Variants in ME3 observed in about 807,000 individuals in gnomAD.
The protein encoded by ME3 is malic enzyme 3, also known as NADP-dependent malic enzyme, mitochondrial.
Under a neutral mutation model 68.9 loss-of-function variants are expected in ME3, and 48 were observed. That is an observed-to-expected ratio of 0.70 (90% CI 0.55 to 0.89). ME3 has a LOEUF of 0.89. Among genes scored for constraint, ME3 ranks in the 40% least tolerant of loss-of-function variants. The pLI is 0.00. For synonymous variants in ME3, 320 were observed against 318.8 expected (o/e 1.00, Z -0.04); for missense variants, 675 against 797.4 (o/e 0.85, Z 1.85).
At chr11:86,587,660 G>A (rs1444958039) in intron 2 of ME3, among the ~76,000 whole-genome samples, 2 of 152,154 alleles carry the variant, frequency 1.3e-5, no homozygotes, top group South Asian at 2.1e-4. Flanking sequence ...AAGAAAGACA[G>A]TAGAAAAAGC....
At chr11:86,442,761 A>T (rs1949070893) in intron 14 of ME3, 60 bp downstream of exon 14, 1 of 1,411,564 alleles carries the variant, frequency 7.1e-7, no homozygotes, top group Non-Finnish European at 1.0e-6. Flanking sequence ...TCCTAAAGTC[A>T]CAGACAGAGA....
At chr11:86,599,322 G>A (rs187205514) in intron 2 of ME3, among the ~76,000 whole-genome samples, 8 of 152,318 alleles carry the variant, frequency 5.3e-5, no homozygotes, top group South Asian at 2.1e-4. Flanking sequence ...CTCTGGAGCC[G>A]ATGCAATCAA....
intron 6 of ME3, among the ~76,000 whole-genome samples, chr11:86,495,228 T>C (rs1044352671): frequency 5.3e-5 from 8 of 152,160 alleles, no homozygotes; most frequent in Non-Finnish European, 8.8e-5. Flanking sequence ...AAGAGGGTAA[T>C]GATAGATGCT....
At chr11:86,595,292 C>CATATATAT (rs775768095) in intron 2 of ME3, among the ~76,000 whole-genome samples, 7,013 of 124,006 alleles carry the variant, frequency 0.057, 658 homozygotes, top group African/African-American at 0.062. Flanking sequence ...TATACATATA[C>CATATATAT]ATATATATAT....
chr11:86,521,024 A>C (rs976839254), intron 4 of ME3, among the ~76,000 whole-genome samples: 2 of 152,228 alleles, frequency 1.3e-5, no homozygotes, highest in African/African-American at 4.8e-5. Flanking sequence ...TCAAAGCCCA[A>C]ATCCAACCCT....
intron 2 of ME3, among the ~76,000 whole-genome samples, chr11:86,603,170 A>C (rs1594628200): frequency 6.6e-6 from 1 of 152,200 alleles, no homozygotes; most frequent in Admixed American, 6.5e-5. Flanking sequence ...CAGCCTACAA[A>C]ATGGGAGAAA....
intron 2 of ME3, among the ~76,000 whole-genome samples, chr11:86,588,845 T>C (rs1958889664): frequency 1.3e-5 from 2 of 152,184 alleles, no homozygotes; most frequent in South Asian, 4.1e-4. Flanking sequence ...GCACAATGCC[T>C]TTCCTAACTC....
intron 4 of ME3, among the ~76,000 whole-genome samples, chr11:86,551,941 G>A (rs1420196946): frequency 6.6e-6 from 1 of 152,220 alleles, no homozygotes; most frequent in African/African-American, 2.4e-5. Context: ...ACTTGCTAAT[G>A]ATTTGCTAGT....
chr11:86,478,660 T>G (rs1289122502), intron 7 of ME3, among the ~76,000 whole-genome samples: 1 of 152,242 alleles, frequency 6.6e-6, no homozygotes, highest in Non-Finnish European at 1.5e-5. Context: ...TTGGTAATTT[T>G]CAAACATTTT....
At chr11:86,672,057 G>C in intron 1 of ME3, 99 bp from the exon 2 acceptor site, 5 of 987,698 alleles carry the variant, frequency 5.1e-6, no homozygotes, top group Non-Finnish European at 6.8e-6. Context: ...CGCGCCCTCT[G>C]GGAGAGGGCA....
chr11:86,566,745 A>G (rs1957500515), intron 2 of ME3, among the ~76,000 whole-genome samples: 1 of 152,168 alleles, frequency 6.6e-6, no homozygotes, highest in South Asian at 2.1e-4. Context: ...TGCATTTTAT[A>G]ATAAATAAGT....
chr11:86,590,507 T>C (rs2139662325), intron 2 of ME3, among the ~76,000 whole-genome samples: 1 of 152,154 alleles, frequency 6.6e-6, no homozygotes, highest in South Asian at 2.1e-4. Context: ...GGCTTTAACT[T>C]TGGACAGTTG....
At chr11:86,458,778 C>T (rs1950081482) in intron 8 of ME3, among the ~76,000 whole-genome samples, 1 of 152,120 alleles carries the variant, frequency 6.6e-6, no homozygotes, top group Admixed American at 6.5e-5. Flanking sequence ...CCCCCGACAG[C>T]TGGAAATAAT....
chr11:86,548,889 C>T (rs570635405), intron 4 of ME3, among the ~76,000 whole-genome samples: 4 of 152,352 alleles, frequency 2.6e-5, no homozygotes, highest in Admixed American at 6.5e-5. Flanking sequence ...ACTCCTGCCT[C>T]CTTCCGATGG....
chr11:86,659,213 A>G (rs1225967197), intron 2 of ME3, among the ~76,000 whole-genome samples: 1 of 152,248 alleles, frequency 6.6e-6, no homozygotes, highest in Admixed American at 6.5e-5. Flanking sequence ...GGTTTGCAAC[A>G]TACGTTGTTT....
chr11:86,442,508 C>T (rs114261145), intron 14 of ME3, among the ~76,000 whole-genome samples: 3,665 of 152,248 alleles, frequency 0.024, 51 homozygotes, highest in Middle Eastern at 0.065. Flanking sequence ...GCAAGCTGAC[C>T]TTTCTTATAA....
chr11:86,565,754 G>T (rs1957449839), intron 2 of ME3, among the ~76,000 whole-genome samples: 1 of 152,046 alleles, frequency 6.6e-6, no homozygotes, highest in Admixed American at 6.5e-5. Flanking sequence ...ATTTTTCCTA[G>T]TCTGTGGCTT....
intron 8 of ME3, among the ~76,000 whole-genome samples, chr11:86,459,486 T>G (rs1434367560): frequency 6.6e-6 from 1 of 152,190 alleles, no homozygotes; most frequent in African/African-American, 2.4e-5. Context: ...ATACATCACT[T>G]CAATCCTTAC....
intron 4 of ME3, among the ~76,000 whole-genome samples, chr11:86,520,460 A>G (rs1432838511): frequency 6.6e-6 from 1 of 152,090 alleles, no homozygotes; most frequent in Non-Finnish European, 1.5e-5. Context: ...CAAACAAAAA[A>G]CCCCAAAAAA....
Sources: gnomAD v4.1 joint callset for allele counts (sites outside exome capture counted in the v4.1 genomes callset) on GRCh38, gnomAD v4.1.1 for gene constraint, MANE v1.5 for transcripts, NCBI Gene and HGNC (gene_info 2026-07-23, HGNC 2026-07-21) for gene names.